Variants in CPHXL observed in about 807,000 individuals in gnomAD.
The protein encoded by CPHXL is cytoplasmic polyadenylated homeobox like, also known as cytoplasmic polyadenylated homeobox-like protein.
chr16:75,718,861 G>T (rs1486021838), intron 1 of CPHXL, among the ~76,000 whole-genome samples: 2 of 152,154 alleles, frequency 1.3e-5, no homozygotes, highest in Non-Finnish European at 2.9e-5. Flanking sequence ...AATTGCAGAA[G>T]AATATTTTAT....
chr16:75,717,045 A>G (rs1259759380), intron 2 of CPHXL, among the ~76,000 whole-genome samples: 1 of 152,218 alleles, frequency 6.6e-6, no homozygotes, highest in Non-Finnish European at 1.5e-5. Context: ...CATAGACTTA[A>G]GTCAAACGTC....
chr16:75,722,171 A>G (rs1959487632), intron 1 of CPHXL, among the ~76,000 whole-genome samples: 1 of 152,210 alleles, frequency 6.6e-6, no homozygotes, highest in Admixed American at 6.5e-5. Flanking sequence ...TAAAATTGAC[A>G]CCCTAACATC....
At chr16:75,723,185 T>G (rs370548466) in intron 1 of CPHXL, among the ~76,000 whole-genome samples, 15 of 152,212 alleles carry the variant, frequency 9.9e-5, no homozygotes, top group African/African-American at 3.6e-4. Flanking sequence ...CTTTGAAAAC[T>G]GGCACAAGAC....
Position 75,720,966 on chromosome 16 carries a change from A to G in CPHXL, c.26-2508T>C, listed in dbSNP as rs557193294. ...CCAATATTCAATATTCTTAAAGAAAAGAATTTTCAACCAGAATTTCATATC... is the reference window on the plus strand; with the variant it reads ...CCAATATTCAATATTCTTAAAGAAAGGAATTTTCAACCAGAATTTCATATC... On this transcript the variant is annotated intron_variant, in intron 1 of 2. Coordinates refer to ENST00000640559, the MANE Select transcript of CPHXL (RefSeq NM_001355613.1). Among the ~76,000 whole-genome samples the G allele has an allele frequency of 6.6e-5, 10 of 152,364 alleles. No homozygotes were observed. In the South Asian group the frequency reaches 1.9e-3, roughly 28 times the overall value.
intron 1 of CPHXL, 75 bp downstream of exon 1, chr16:75,726,343 C>T (rs1959559399): frequency 2.5e-6 from 1 of 398,360 alleles, no homozygotes; most frequent in Admixed American, 4.4e-5. Flanking sequence ...TGTGTTTGTG[C>T]TTTAAACTTT....
intron 1 of CPHXL, among the ~76,000 whole-genome samples, chr16:75,723,578 A>C (rs1197636183): frequency 1.3e-5 from 2 of 152,100 alleles, no homozygotes; most frequent in African/African-American, 2.4e-5. Context: ...AGAACTACAA[A>C]CCACTGCTCA....
Position 75,714,815 on chromosome 16 carries a change from A to G in CPHXL, c.627T>C (p.Tyr209=), listed in dbSNP as rs1959366734. ...PSQQVASQSS[Y]LVTGTEKHPG... ...GATGCTTTTCAGTGCCTGTGACCAG[A>G]TAGGAACTCTGGGAGGCCACCTGTT... The change falls in exon 3 of 3, where the codon TAT becomes TAC. Residue 209 remains tyrosine (Y), a synonymous_variant. Transcript: ENST00000640559. 5.0e-6 allele frequency: 2 copies of G among 398,554 alleles called. No homozygotes were observed. Among genetic ancestry groups the G allele is most frequent in the South Asian group, 1.3e-4 (1 of 7,860 alleles). 24.7% of individuals were successfully genotyped at this position (398,554 alleles called of 1,614,324 possible).
At chr16:75,717,832 T>C (rs530015144) in intron 2 of CPHXL, among the ~76,000 whole-genome samples, 2 of 152,330 alleles carry the variant, frequency 1.3e-5, no homozygotes, top group Admixed American at 6.5e-5. Flanking sequence ...TGTATATACA[T>C]ATGTATTTTG....
chr16:75,716,255 C>G (rs1046657995), intron 2 of CPHXL, among the ~76,000 whole-genome samples: 1 of 152,204 alleles, frequency 6.6e-6, no homozygotes, highest in Non-Finnish European at 1.5e-5. Flanking sequence ...TCCTTCAATT[C>G]AATTCTGACA....
intron 2 of CPHXL, among the ~76,000 whole-genome samples, chr16:75,715,738 C>G (rs1020893221): frequency 6.6e-6 from 1 of 151,824 alleles, no homozygotes; most frequent in African/African-American, 2.4e-5. Flanking sequence ...CTCTTGTTGC[C>G]CTGGCTGGAG....
At chr16:75,719,631 G>A (rs1326273792) in intron 1 of CPHXL, among the ~76,000 whole-genome samples, 1 of 152,196 alleles carries the variant, frequency 6.6e-6, no homozygotes, top group African/African-American at 2.4e-5. Context: ...GGAGCCCACT[G>A]CAGCTCAAGG....
At chr16:75,725,348 G>T (rs1959540427) in intron 1 of CPHXL, among the ~76,000 whole-genome samples, 1 of 151,998 alleles carries the variant, frequency 6.6e-6, no homozygotes, top group African/African-American at 2.4e-5. Flanking sequence ...GAATGCAGTG[G>T]CGTGCTCTCA....
At chr16:75,723,050 C>G (rs1195827697) in intron 1 of CPHXL, among the ~76,000 whole-genome samples, 1 of 152,078 alleles carries the variant, frequency 6.6e-6, no homozygotes, top group Non-Finnish European at 1.5e-5. Context: ...AAATTCAACA[C>G]TCCTTCATGC....
At chr16:75,721,306 G>A (rs1959473734) in intron 1 of CPHXL, among the ~76,000 whole-genome samples, 4 of 152,066 alleles carry the variant, frequency 2.6e-5, no homozygotes, top group Non-Finnish European at 5.9e-5. Flanking sequence ...ACACACACTG[G>A]CAAATTGGAT....
intron 1 of CPHXL, 52 bp downstream of exon 1, chr16:75,726,366 A>T (rs896451082): frequency 2.5e-6 from 1 of 398,606 alleles, no homozygotes; most frequent in Admixed American, 4.4e-5. Flanking sequence ...CACACTATTG[A>T]GAAAAAGCAA....
intron 1 of CPHXL, among the ~76,000 whole-genome samples, chr16:75,720,527 A>G (rs138173402): frequency 6.8e-4 from 104 of 152,356 alleles, no homozygotes; most frequent in African/African-American, 2.3e-3. Context: ...AAGGAATGCA[A>G]TGAAGCAAGA....
chr16:75,725,347 G>A (rs948184641), intron 1 of CPHXL, among the ~76,000 whole-genome samples: 2 of 152,014 alleles, frequency 1.3e-5, no homozygotes, highest in Non-Finnish European at 2.9e-5. Context: ...GGAATGCAGT[G>A]GCGTGCTCTC....
Position 75,714,997 on chromosome 16 carries a change from T to G in CPHXL, c.445A>C (p.Ser149Arg), listed in dbSNP as rs757530773. ...CSHLEKQWIP[S>R]QEMGYNCFSL... ...AAACAATTATAGCCCATTTCTTGAC[T>G]GGGAATCCACTGTTTCTCCAGATGG... The change falls in exon 3 of 3, where the codon AGT (serine) becomes CGT (arginine). Residue 149 changes from serine (S) to arginine (R), a missense_variant. By Grantham distance (110) the Ser-to-Arg change is moderately radical. Transcript: ENST00000640559. The G allele has an allele frequency of 5.0e-6, 2 of 398,684 alleles. No individual in the cohort carries two copies. Among genetic ancestry groups the G allele is most frequent in the Non-Finnish European group, 8.8e-6 (2 of 226,090 alleles). The allele number at this position is 398,684 out of a possible 1,614,324, so 24.7% of individuals were successfully genotyped here. A position where few individuals can be genotyped will look rare whatever the true frequency, so the allele number is the denominator to read the frequency against.
chr16:75,718,415 T>C lies in CPHXL; in HGVS notation c.69A>G (p.Thr23=). The change falls in exon 2 of 3, where the codon ACA becomes ACG. Residue 23 remains threonine (T), a synonymous_variant. Coordinates refer to ENST00000640559, the MANE Select transcript of CPHXL (RefSeq NM_001355613.1). ...EEDHHNEERQ[T]KNKRKTKHRH... is the part of the protein sequence containing the mutation. ...GGTGTTTTGTTTTTCTTTTATTCTT[T>C]GTTTGTCTTTCTTCATTATGATGAT... 2 of 398,712 alleles carry C rather than the reference T, an allele frequency of 5.0e-6. No individual in the cohort carries two copies. The highest frequency in any genetic ancestry group is 6.3e-4 in the Middle Eastern group (1 of 1,588). The allele number at this position is 398,712 out of a possible 1,614,324, so 24.7% of individuals were successfully genotyped here.
Sources: gnomAD v4.1 joint callset for allele counts (sites outside exome capture counted in the v4.1 genomes callset) on GRCh38, gnomAD v4.1.1 for gene constraint, MANE v1.5 for transcripts, NCBI Gene and HGNC (gene_info 2026-07-23, HGNC 2026-07-21) for gene names.